DYNC1LI1: variants seen among roughly 807,000 people sequenced by gnomAD.
DYNC1LI1 encodes the protein dynein cytoplasmic 1 light intermediate chain 1, also known as cytoplasmic dynein 1 light intermediate chain 1.
Under a neutral mutation model 63.8 loss-of-function variants are expected in DYNC1LI1, and 19 were observed. The ratio of observed to expected loss-of-function variants is 0.30; its 90% CI spans 0.21 to 0.44. The LOEUF is 0.44. DYNC1LI1 is among the 20% of genes least tolerant of loss of function. DYNC1LI1 has a pLI of 1.00. For missense variants in DYNC1LI1, 565 were observed against 630.2 expected, an observed-to-expected ratio of 0.90 and a Z score of 1.11; for synonymous variants, 225 against 232.3, an observed-to-expected ratio of 0.97 and a Z score of 0.28.
At chr3:32,561,325 C>A (rs918733602) in intron 2 of DYNC1LI1, among the ~76,000 whole-genome samples, 3 of 151,694 alleles carry the variant, frequency 2.0e-5, no homozygotes, top group African/African-American at 7.3e-5. Flanking sequence ...CAAGTATTCT[C>A]ACATACTGAT....
Position 32,541,018 on chromosome 3 carries a change from C to G in DYNC1LI1, c.738+19G>C. 1 of 1,556,030 alleles carries G rather than the reference C, an allele frequency of 6.4e-7. No homozygotes were observed. Among genetic ancestry groups the G allele is most frequent in the Non-Finnish European group, 8.7e-7 (1 of 1,147,170 alleles). On this transcript the variant is annotated intron_variant, in intron 5 of 12. Transcript: ENST00000273130. The stretch of plus-strand genomic sequence containing the variant: ...CCTCAGTGAATATCAGTTGCAGAAT[C>G]CCTAGGAAGCAAACTAACCTTTGTG...
At chr3:32,560,838 A>C (rs1241526625) in intron 2 of DYNC1LI1, among the ~76,000 whole-genome samples, 1 of 151,414 alleles carries the variant, frequency 6.6e-6, no homozygotes, top group Non-Finnish European at 1.5e-5. Flanking sequence ...ACCCCCGTCT[A>C]CTAAAAATAC....
intron 2 of DYNC1LI1, chr3:32,570,022 T>C (rs1307042793): frequency 1.6e-5 from 7 of 450,930 alleles, no homozygotes; most frequent in African/African-American, 4.2e-5. Context: ...AAAGAAAACC[T>C]GTCATTTTCT....
chr3:32,535,833 AT>A (rs761331714), intron 6 of DYNC1LI1, among the ~76,000 whole-genome samples: 12 of 152,144 alleles, frequency 7.9e-5, no homozygotes, highest in Non-Finnish European at 1.3e-4. Flanking sequence ...AATGGTCTCT[AT>A]TTTGGTAGAA....
chr3:32,545,965 C>T lies in DYNC1LI1; in HGVS notation c.221G>A (p.Gly74Asp). 6.5e-7 allele frequency: 1 copy of T among 1,546,344 alleles called. No homozygotes were observed. The part of the protein sequence containing the change: ...LPAGKNVLLL[G>D]EDGAGKTSLI... ...GCTTGTTTTTCCAGCTCCATCTTCA[C>T]CTAGATATGTAAAAAAAGGATAAAT... is the stretch of plus-strand genomic sequence containing the variant. The change falls in exon 3 of 13, where the codon GGT becomes GAT. Residue 74 changes from glycine to aspartate, a missense_variant and splice_region_variant. Physicochemically the swap from Gly to Asp is moderately conservative, Grantham distance 94. Coordinates refer to ENST00000273130, the MANE Select transcript of DYNC1LI1 (RefSeq NM_016141.4).
At chr3:32,529,797 T>C (rs1394350927) in intron 10 of DYNC1LI1, 137 bp from the exon 11 acceptor site, 11 of 678,806 alleles carry the variant, frequency 1.6e-5, no homozygotes, top group Admixed American at 3.1e-5. Context: ...ATTGACAAAA[T>C]TGTTAGCAAT....
At chr3:32,537,959 ATAATATATATATATTTATATATAAT>A (rs1413774850) in intron 5 of DYNC1LI1, among the ~76,000 whole-genome samples, 4 of 2,904 alleles carry the variant, frequency 1.4e-3, no homozygotes, top group East Asian at 0.062. Context: ...ATTTATATAT[ATAATATATATATATTTATATATAAT>A]ATATATATAT....
chr3:32,533,158 C>T (rs1157748656), intron 7 of DYNC1LI1, 61 bp from the exon 8 acceptor site: 12 of 1,493,116 alleles, frequency 8.0e-6, no homozygotes, highest in Non-Finnish European at 1.1e-5. Context: ...TTCATTCAGT[C>T]CAAGATCATG....
chr3:32,565,008 C>T (rs1313394722), intron 2 of DYNC1LI1, among the ~76,000 whole-genome samples: 14 of 152,140 alleles, frequency 9.2e-5, no homozygotes, highest in Non-Finnish European at 2.9e-5. Flanking sequence ...TTCACATATA[C>T]TTATTGATGA....
chr3:32,526,221 G>C lies in DYNC1LI1; in HGVS notation c.*578C>G, dbSNP rs1339694538. ...CAATATTTCTAAATCATATTTTGAT[G>C]ACAACTTACAGGATCAGTGATTGAG... is the stretch of plus-strand genomic sequence containing the variant. On this transcript the variant is annotated 3_prime_UTR_variant, in exon 13 of 13. Transcript: ENST00000273130. The C allele has an allele frequency of 6.6e-6, 1 of 152,508 alleles. No individual in the cohort carries two copies. The highest frequency in any genetic ancestry group is 1.5e-5 in the Non-Finnish European group (1 of 68,018). 9.4% of individuals were successfully genotyped at this position (152,508 alleles called of 1,614,324 possible). A position where few individuals can be genotyped will look rare whatever the true frequency, so the allele number is the denominator to read the frequency against.
At chr3:32,538,569 C>T (rs1017454117) in intron 5 of DYNC1LI1, among the ~76,000 whole-genome samples, 2 of 151,900 alleles carry the variant, frequency 1.3e-5, no homozygotes, top group Non-Finnish European at 2.9e-5. Flanking sequence ...GCCATGGTGG[C>T]GGGCGCCTGT....
intron 2 of DYNC1LI1, among the ~76,000 whole-genome samples, chr3:32,559,747 T>C (rs1043442683): frequency 1.3e-5 from 2 of 152,244 alleles, no homozygotes; most frequent in African/African-American, 4.8e-5. Flanking sequence ...TAATGTGCTA[T>C]ATCCCTTCCT....
chr3:32,529,426 G>T, intron 11 of DYNC1LI1, 114 bp downstream of exon 11: 1 of 987,772 alleles, frequency 1.0e-6, no homozygotes, highest in Non-Finnish European at 1.4e-6. Flanking sequence ...TAGAGACAAA[G>T]CCTAAAAGGT....
intron 5 of DYNC1LI1, among the ~76,000 whole-genome samples, chr3:32,537,925 T>A (rs1491001724): frequency 7.8e-5 from 2 of 25,536 alleles, no homozygotes; most frequent in East Asian, 8.9e-4. Context: ...TTTATATATA[T>A]AATATATATA....
At chr3:32,560,863 G>T (rs557811208) in intron 2 of DYNC1LI1, among the ~76,000 whole-genome samples, 8 of 151,084 alleles carry the variant, frequency 5.3e-5, no homozygotes, top group Non-Finnish European at 4.4e-5. Context: ...TTAGCCAGGC[G>T]TGGTGGCTCA....
Position 32,546,048 on chromosome 3 carries a change from C to G in DYNC1LI1, c.221-83G>C, listed in dbSNP as rs1053326987. 5 of 904,844 alleles carry G rather than the reference C, an allele frequency of 5.5e-6. No homozygotes were observed. In the Admixed American group the frequency reaches 1.3e-4, roughly 24 times the overall value. 56.1% of individuals were successfully genotyped at this position (904,844 alleles called of 1,614,324 possible). A position where few individuals can be genotyped will look rare whatever the true frequency, so the allele number is the denominator to read the frequency against. On this transcript the variant is annotated intron_variant, in intron 2 of 12. Transcript: ENST00000273130. ...GCTTTCTAGTACCAAGTGAAAAACC[C>G]AACTGGAACTAGCTTCAACCAAAAA...
intron 7 of DYNC1LI1, among the ~76,000 whole-genome samples, chr3:32,534,269 G>A (rs570347760): frequency 5.9e-5 from 9 of 152,132 alleles, no homozygotes; most frequent in African/African-American, 2.2e-4. Context: ...ACTAATATAG[G>A]CACCCAGTAG....
chr3:32,540,283 A>G (rs1185194864), intron 5 of DYNC1LI1, among the ~76,000 whole-genome samples: 5 of 152,186 alleles, frequency 3.3e-5, no homozygotes, highest in African/African-American at 9.7e-5. Flanking sequence ...TAAAAAACAG[A>G]AACCCTTGAT....
At chr3:32,539,192 G>C (rs1697843708) in intron 5 of DYNC1LI1, among the ~76,000 whole-genome samples, 3 of 152,184 alleles carry the variant, frequency 2.0e-5, no homozygotes, top group Admixed American at 2.0e-4. Flanking sequence ...CAGAAAAGGT[G>C]TATGTAACAA....
Sources: gnomAD v4.1 joint callset for allele counts (sites outside exome capture counted in the v4.1 genomes callset) on GRCh38, gnomAD v4.1.1 for gene constraint, MANE v1.5 for transcripts, NCBI Gene and HGNC (gene_info 2026-07-23, HGNC 2026-07-21) for gene names.